Variants in BAZ2B observed in about 807,000 individuals in gnomAD.
BAZ2B encodes bromodomain adjacent to zinc finger domain 2B, also known as bromodomain adjacent to zinc finger domain protein 2B.
BAZ2B carries 91 observed loss-of-function variants against 246.0 expected under a neutral mutation model. The ratio of observed to expected loss-of-function variants is 0.37; its 90% CI spans 0.31 to 0.44. The LOEUF is 0.44. Among genes scored for constraint, BAZ2B ranks in the 20% least tolerant of loss-of-function variants. BAZ2B has a pLI of 1.00. For missense variants in BAZ2B, 2,332 were observed against 2,533.7 expected, an observed-to-expected ratio of 0.92 and a Z score of 1.71; for synonymous variants, 855 against 860.0, an observed-to-expected ratio of 0.99 and a Z score of 0.10.
intron 16 of BAZ2B, among the ~76,000 whole-genome samples, chr2:159,402,025 G>A (rs2065152482): frequency 6.6e-6 from 1 of 152,158 alleles, no homozygotes; most frequent in South Asian, 2.1e-4. Flanking sequence ...TTGATTCCCT[G>A]CAGGATTCTA....
rs539455532 is a variant in BAZ2B, at chr2:159,562,290, G to A, written c.-45-6425C>T. On this transcript the variant is annotated intron_variant, in intron 1 of 36. Coordinates refer to ENST00000392783, the MANE Select transcript of BAZ2B (RefSeq NM_013450.4). ...AAAGCCTTATTACATGAAGTTTAGC[G>A]AGACCTGAGATGACAACTTCATTGT... 7.7e-4 allele frequency among the ~76,000 whole-genome samples: 117 copies of A among 152,210 alleles called. 1 individual carries two copies. The highest frequency in any genetic ancestry group is 9.9e-4 in the African/African-American group (41 of 41,530).
At chr2:159,705,913 A>G in the BAZ2B span, among the ~76,000 whole-genome samples, 8 of 152,170 alleles carry the variant, frequency 5.3e-5, 1 homozygote, top group Non-Finnish European at 1.0e-4. Flanking sequence ...GATAATATCT[A>G]TTACAAACCA....
At position 159,349,061 on chromosome 2, in the gene BAZ2B, C is replaced by T; in HGVS notation, c.5083G>A (p.Ala1695Thr). The T allele has an allele frequency of 6.2e-7, 1 of 1,614,122 alleles. No individual in the cohort carries two copies. Among genetic ancestry groups the T allele is most frequent in the Non-Finnish European group, 8.5e-7 (1 of 1,179,994 alleles). ...TCTACTGGTTTTGCTACTTCAACAG[C>T]TGCAGGTTGAGCTGAAGTGGCCTTT... ...NEKATSAQPA[A>T]VEVAKPVDFP... Residue 1695 changes from alanine (A) to threonine (T), a missense_variant, in exon 29 of 37, where the codon GCT becomes ACT. This residue lies in a region of BAZ2B where 676 missense variants were observed against 668.6 expected (regional missense o/e 1.01). Coordinates refer to ENST00000392783, the MANE Select transcript of BAZ2B (RefSeq NM_013450.4).
chr2:159,402,720 C>A (rs543237046), intron 16 of BAZ2B, among the ~76,000 whole-genome samples: 4 of 152,094 alleles, frequency 2.6e-5, no homozygotes, highest in Admixed American at 1.3e-4. Flanking sequence ...TTGGGGCTTA[C>A]GTACACAGTC....
chr2:159,535,312 A>G (rs2085840805), intron 2 of BAZ2B, among the ~76,000 whole-genome samples: 1 of 152,204 alleles, frequency 6.6e-6, no homozygotes, highest in Non-Finnish European at 1.5e-5. Flanking sequence ...ACTTGAGGTC[A>G]GGAGTTCAAG....
the BAZ2B span, among the ~76,000 whole-genome samples, chr2:159,660,861 G>C: frequency 2.6e-5 from 4 of 152,248 alleles, no homozygotes; most frequent in African/African-American, 9.6e-5. Context: ...GCCTCCCAAA[G>C]TGCTAGGATT....
In BAZ2B at chr2:159,330,625, G is replaced by A. The variant is rs183465887; in HGVS notation, c.5943+1915C>T. On this transcript the variant is annotated intron_variant, in intron 34 of 36. Transcript: ENST00000392783. ...CCTGTAATCCCAGACTTCGGAGGCTGTAGTGCGAGGATCAGCTGAGCCCAG... is the reference window on the plus strand; with the variant it reads ...CCTGTAATCCCAGACTTCGGAGGCTATAGTGCGAGGATCAGCTGAGCCCAG... Among the ~76,000 whole-genome samples, 39 of 152,118 alleles carry A rather than the reference G, an allele frequency of 2.6e-4. 1 individual carries two copies. The highest frequency in any genetic ancestry group is 1.2e-3 in the South Asian group (6 of 4,824).
At chr2:159,592,026 G>A (rs1578722923) in intron 1 of BAZ2B, among the ~76,000 whole-genome samples, 1 of 152,014 alleles carries the variant, frequency 6.6e-6, no homozygotes, top group African/African-American at 2.4e-5. Context: ...AGGTTGAGGC[G>A]TGAGGATCTG....
intron 1 of BAZ2B, among the ~76,000 whole-genome samples, chr2:159,580,383 G>A (rs1462111276): frequency 6.6e-6 from 1 of 152,108 alleles, no homozygotes; most frequent in Non-Finnish European, 1.5e-5. Flanking sequence ...TCTTCAAGGA[G>A]AACTACAAAC....
At chr2:159,473,174 A>G (rs1559544979) in intron 3 of BAZ2B, among the ~76,000 whole-genome samples, 1 of 152,052 alleles carries the variant, frequency 6.6e-6, no homozygotes, top group Admixed American at 6.5e-5. Flanking sequence ...CTCTGGTAGA[A>G]TTTGGCTGTG....
the BAZ2B span, among the ~76,000 whole-genome samples, chr2:159,681,799 C>G: frequency 6.6e-6 from 1 of 152,244 alleles, no homozygotes; most frequent in East Asian, 1.9e-4. Context: ...GTGGTGGGTG[C>G]CTGTAATCCC....
intron 2 of BAZ2B, among the ~76,000 whole-genome samples, chr2:159,489,320 A>T (rs2080189909): frequency 6.6e-6 from 1 of 152,202 alleles, no homozygotes; most frequent in South Asian, 2.1e-4. Flanking sequence ...GATAAAAAAA[A>T]AGAGCCAATG....
chr2:159,460,812 TTTGA>T (rs1324666283), intron 3 of BAZ2B: 1 of 152,126 alleles, frequency 6.6e-6, no homozygotes, highest in Admixed American at 6.5e-5. Context: ...AAACTTGAAC[TTTGA>T]TTAAGAACAG....
At chr2:159,627,008 T>TA in the BAZ2B span, among the ~76,000 whole-genome samples, 1 of 152,066 alleles carries the variant, frequency 6.6e-6, no homozygotes, top group East Asian at 1.9e-4. Flanking sequence ...ACCATAGACA[T>TA]ACAAACTACC....
the BAZ2B span, among the ~76,000 whole-genome samples, chr2:159,661,510 T>G: frequency 6.6e-6 from 1 of 152,198 alleles, no homozygotes; most frequent in Non-Finnish European, 1.5e-5. Flanking sequence ...TTTTTAAGCT[T>G]TTTAAAGCCA....
rs543675639 is a variant in BAZ2B, at chr2:159,481,714, C to T, written c.-2-2993G>A. On this transcript the variant is annotated intron_variant, in intron 2 of 36. Transcript: ENST00000392783. The stretch of plus-strand genomic sequence containing the variant: ...CTCAGCTGAACCATGAGACACCACA[C>T]AGACCCAAATTGAAAAACCATATAC... Among the ~76,000 whole-genome samples the T allele has an allele frequency of 2.0e-5, 3 of 151,540 alleles. No homozygotes were observed. In the South Asian group the frequency reaches 6.2e-4, roughly 32 times the overall value.
chr2:159,452,020 G>C (rs1290757063), intron 4 of BAZ2B, among the ~76,000 whole-genome samples: 2 of 152,056 alleles, frequency 1.3e-5, no homozygotes, highest in South Asian at 4.1e-4. Context: ...TCTGTGGAAT[G>C]CTCATCTTGC....
the BAZ2B span, among the ~76,000 whole-genome samples, chr2:159,644,871 C>T: frequency 1.3e-5 from 2 of 152,188 alleles, no homozygotes; most frequent in Admixed American, 6.6e-5. Context: ...TCCCAATCTC[C>T]ATCTTCTGAA....
At chr2:159,542,195 A>G (rs1173402450) in intron 2 of BAZ2B, among the ~76,000 whole-genome samples, 2 of 152,198 alleles carry the variant, frequency 1.3e-5, no homozygotes, top group Non-Finnish European at 2.9e-5. Flanking sequence ...GTAAGACAAC[A>G]TTAAGTGGAC....
Sources: gnomAD v4.1 joint callset for allele counts (sites outside exome capture counted in the v4.1 genomes callset) on GRCh38, gnomAD v4.1.1 for gene constraint, gnomAD v4.1.1 regional missense constraint, MANE v1.5 for transcripts, NCBI Gene and HGNC (gene_info 2026-07-23, HGNC 2026-07-21) for gene names.